SYNE2: variants seen among roughly 807,000 people sequenced by gnomAD.
SYNE2 encodes the protein spectrin repeat containing nuclear envelope protein 2.
SYNE2 carries 431 observed loss-of-function variants against 856.3 expected under a neutral mutation model. The observed-to-expected ratio is 0.50, with a 90% CI of 0.47 to 0.55. SYNE2 has a LOEUF of 0.55. SYNE2 is among the 20% of genes least tolerant of loss of function. The pLI is 0.00. For missense variants in SYNE2, 8,129 were observed against 8,023.2 expected, an observed-to-expected ratio of 1.01 and a Z score of -0.50; for synonymous variants, 2,923 against 2,872.3, an observed-to-expected ratio of 1.02 and a Z score of -0.56.
At chr14:64,113,064 C>G in intron 65 of SYNE2, 1 of 985,344 alleles carries the variant, frequency 1.0e-6, no homozygotes, top group Non-Finnish European at 1.2e-6. Context: ...TCACCTGTCT[C>G]CTGGGGCTCA....
chr14:64,032,566 T>TTTATTGTTGTTG (rs1180064496), intron 45 of SYNE2, among the ~76,000 whole-genome samples: 1 of 149,748 alleles, frequency 6.7e-6, no homozygotes, highest in East Asian at 2.0e-4. Context: ...TATCTCTAAT[T>TTTATTGTTGTTG]TTGTTGTTGT....
chr14:63,941,859 G>T, intron 4 of SYNE2, 26 bp from the exon 5 acceptor site: 1 of 1,612,312 alleles, frequency 6.2e-7, no homozygotes, highest in East Asian at 2.2e-5. Context: ...TTTTTTCTGA[G>T]TAATATATTT....
At chr14:63,799,528 TA>T in intron 1 of SYNE2, among the ~76,000 whole-genome samples, 1 of 150,792 alleles carries the variant, frequency 6.6e-6, no homozygotes, top group African/African-American at 2.4e-5. Context: ...CCGTCTCTAC[TA>T]AAAAAACAAA....
chr14:63,790,211 A>G (rs912016340), intron 1 of SYNE2, among the ~76,000 whole-genome samples: 12 of 152,216 alleles, frequency 7.9e-5, no homozygotes, highest in African/African-American at 2.9e-4. Flanking sequence ...ATGCACCTGT[A>G]GTCCCAGCTA....
rs377508414 is a variant in SYNE2 at position 64,176,108 on chromosome 14, G to GT, written c.17430+971dup. On this transcript the variant is annotated intron_variant, in intron 95 of 115. Transcript: ENST00000555002. Reference sequence around the variant, plus strand: ...TTACCATAGACTGAGGCCAACCCAAGTATGTTTAGGTATCAGCTGTACTGA... The same window carrying GT: ...TTACCATAGACTGAGGCCAACCCAAGTTATGTTTAGGTATCAGCTGTACTGA... Among the ~76,000 whole-genome samples the GT allele has an allele frequency of 3.5e-3, 534 of 152,296 alleles. 2 individuals carry two copies. Among genetic ancestry groups the GT allele is most frequent in the African/African-American group, 0.012 (497 of 41,558 alleles).
rs1426636384 is a variant in SYNE2, at chr14:64,021,403, C to T, written c.5240C>T (p.Thr1747Ile). 6 of 1,614,050 alleles carry T rather than the reference C, an allele frequency of 3.7e-6. No homozygotes were observed. In the South Asian group the frequency reaches 5.5e-5, roughly 15 times the overall value. ...AACTGCCATGCACTCAGTGGCAGCA[C>T]TGCTGAGCTAAGGGAGGATCTCGAC... ...ESNCHALSGS[T>I]AELREDLDQA... Residue 1747 changes from threonine to isoleucine, a missense_variant, in exon 36 of 116, where the codon ACT (threonine) becomes ATT (isoleucine). By Grantham distance (89) the Thr-to-Ile change is moderately conservative. Around this residue, in one of 3 missense-constraint regions of SYNE2, gnomAD observed 2,422 missense variants for 2,357.4 expected, o/e 1.03. Coordinates refer to ENST00000555002, the MANE Select transcript of SYNE2 (RefSeq NM_182914.3).
intron 1 of SYNE2, among the ~76,000 whole-genome samples, chr14:63,800,580 G>A (rs1033549246): frequency 5.3e-5 from 8 of 152,036 alleles, no homozygotes; most frequent in Non-Finnish European, 8.8e-5. Flanking sequence ...ATGAGCCACC[G>A]CACCCAGCCA....
At chr14:63,933,431 T>C (rs572539522) in intron 2 of SYNE2, among the ~76,000 whole-genome samples, 39 of 152,338 alleles carry the variant, frequency 2.6e-4, no homozygotes, top group African/African-American at 8.7e-4. Flanking sequence ...CCCTTCTGGC[T>C]AAGGATATGA....
intron 100 of SYNE2, among the ~76,000 whole-genome samples, chr14:64,206,889 C>A (rs553637628): frequency 6.6e-6 from 1 of 152,274 alleles, no homozygotes; most frequent in African/African-American, 2.4e-5. Flanking sequence ...TTAGTATTTA[C>A]ATGGGATATG....
rs939027787 is a variant in SYNE2, at chr14:64,225,174, TCTC to T, written c.20516+133_20516+135del. ...TCTTTTGTCTGGAAAGGGCTGGTTT[TCTC>T]CTCTGAAACTGAACCCCAACTGTTG... On this transcript the variant is annotated intron_variant, in intron 115 of 115. Transcript: ENST00000555002. The T allele has an allele frequency of 5.2e-6, 8 of 1,549,010 alleles. No individual in the cohort carries two copies. The Admixed American group carries it at 1.2e-4, about 24-fold the overall frequency.
At chr14:64,144,104 C>A (rs2098162574) in intron 83 of SYNE2, among the ~76,000 whole-genome samples, 156 bp downstream of exon 83, 2 of 152,100 alleles carry the variant, frequency 1.3e-5, no homozygotes, top group Non-Finnish European at 2.9e-5. Context: ...TAGCATTCTC[C>A]ATTGGTACCT....
intron 65 of SYNE2, among the ~76,000 whole-genome samples, chr14:64,111,346 G>A (rs2097804845): frequency 6.6e-6 from 1 of 152,060 alleles, no homozygotes; most frequent in Non-Finnish European, 1.5e-5. Flanking sequence ...GTTCTCTCAA[G>A]TGGCAAAAAA....
intron 1 of SYNE2, among the ~76,000 whole-genome samples, chr14:63,807,836 TATA>T (rs1888431681): frequency 1.2e-5 from 1 of 82,506 alleles, no homozygotes; most frequent in Non-Finnish European, 2.3e-5. Flanking sequence ...TATATATATA[TATA>T]TATATATATA....
At chr14:63,774,405 G>T (rs1034294171) in intron 1 of SYNE2, among the ~76,000 whole-genome samples, 5 of 150,134 alleles carry the variant, frequency 3.3e-5, no homozygotes, top group Non-Finnish European at 7.4e-5. Flanking sequence ...GGAGGTGGAG[G>T]CTGCAGTGAG....
At chr14:63,967,590 A>C (rs1414360515) in intron 10 of SYNE2, 119 bp from the exon 11 acceptor site, 1 of 1,029,304 alleles carries the variant, frequency 9.7e-7, no homozygotes, top group East Asian at 2.7e-5. Context: ...GATTCAGGGG[A>C]TTTTACCTTT....
At chr14:64,202,097 G>C in intron 99 of SYNE2, 2 of 681,048 alleles carry the variant, frequency 2.9e-6, no homozygotes, top group South Asian at 3.1e-5. Context: ...ACGCCGAGTT[G>C]GGCCGGATGG....
intron 61 of SYNE2, among the ~76,000 whole-genome samples, chr14:64,095,404 G>A (rs2097668255): frequency 1.3e-5 from 2 of 152,114 alleles, no homozygotes; most frequent in Admixed American, 1.3e-4. Flanking sequence ...ACTTCGAATG[G>A]ATCTTCTAAC....
chr14:64,085,393 G>A (rs2097553523), intron 57 of SYNE2, among the ~76,000 whole-genome samples: 1 of 152,186 alleles, frequency 6.6e-6, no homozygotes, highest in Non-Finnish European at 1.5e-5. Flanking sequence ...GCTGATATAA[G>A]GGTATGAATA....
chr14:64,175,252 A>G (rs751656887), intron 95 of SYNE2, 114 bp downstream of exon 95: 24 of 1,212,640 alleles, frequency 2.0e-5, no homozygotes, highest in African/African-American at 9.0e-5. Flanking sequence ...TGAGTTTCCA[A>G]CTCAAGCTGT....
Sources: gnomAD v4.1 joint callset for allele counts (sites outside exome capture counted in the v4.1 genomes callset) on GRCh38, gnomAD v4.1.1 for gene constraint, gnomAD v4.1.1 regional missense constraint, MANE v1.5 for transcripts, NCBI Gene and HGNC (gene_info 2026-07-23, HGNC 2026-07-21) for gene names.